The following SULF2 variants were observed in gnomAD, a reference collection of about 807,000 sequenced individuals.
SULF2 encodes extracellular sulfatase Sulf-2.
SULF2 carries 52 observed loss-of-function variants against 107.7 expected under a neutral mutation model. The observed-to-expected ratio is 0.48, with a 90% CI of 0.39 to 0.61. SULF2 has a LOEUF of 0.61. SULF2 is among the 20% of genes least tolerant of loss of function. SULF2 has a pLI of 0.00. For synonymous variants in SULF2, 460 were observed against 464.3 expected, an observed-to-expected ratio of 0.99 and a Z score of 0.12; for missense variants, 993 against 1,177.3, an observed-to-expected ratio of 0.84 and a Z score of 2.29.
intron 3 of SULF2, among the ~76,000 whole-genome samples, chr20:47,725,457 A>G (rs1187899559): frequency 2.0e-5 from 3 of 152,210 alleles, no homozygotes; most frequent in Non-Finnish European, 4.4e-5. Flanking sequence ...GCAGGACATC[A>G]AAGTCCTTCT....
At chr20:47,672,661 A>C in intron 10 of SULF2, 4 of 547,128 alleles carry the variant, frequency 7.3e-6, no homozygotes, top group Non-Finnish European at 9.3e-6. Context: ...AAATCCACCC[A>C]CATGGCAGCT....
chr20:47,661,799 T>A lies in SULF2; in HGVS notation c.2468A>T (p.Asn823Ile), dbSNP rs762353434. ...LRSCKGYKQC[N>I]PRTRNMDLGL... ...CAGGTCCATGTTTCGAGTCCGGGGG[T>A]TACACTGCTTGTAACCCTTGCAGCT... is the stretch of plus-strand genomic sequence containing the variant. The change falls in exon 18 of 21, where the codon AAC becomes ATC. Residue 823 changes from asparagine to isoleucine, a missense_variant. By Grantham distance (149) the Asn-to-Ile change is moderately radical. Transcript: ENST00000688720. 6.4e-7 allele frequency: 1 copy of A among 1,570,172 alleles called. No homozygotes were observed. Among genetic ancestry groups the A allele is most frequent in the Admixed American group, 1.7e-5 (1 of 57,666 alleles).
Position 47,666,096 on chromosome 20 carries a change from C to A in SULF2, c.1806-143G>T, listed in dbSNP as rs1430753197. The A allele has an allele frequency of 6.2e-7, 1 of 1,611,086 alleles. No homozygotes were observed. On this transcript the variant is annotated intron_variant, in intron 12 of 20. Transcript: ENST00000688720. This position sits in a 1 kb window ranked among gnomAD's most constrained non-coding sequence, Gnocchi z 5.4. ...TCCACCTGGACACTCACCGATGTGT[C>A]ACTTTAATGGGGTTGGCGGCTGAAT...
rs1277749973 is a variant in SULF2, at chr20:47,694,775, AG to A, written c.568-4481del. Reference sequence around the variant, plus strand: ...CGCACCGGGCTTCCCTCCAAGGCCAAGGCAGTGCGTGTGGGTGGCAGCAGCT... The same window carrying A: ...CGCACCGGGCTTCCCTCCAAGGCCAAGCAGTGCGTGTGGGTGGCAGCAGCT... On this transcript the variant is annotated intron_variant, in intron 4 of 20. Coordinates refer to ENST00000688720, the MANE Select transcript of SULF2 (RefSeq NM_001387048.1). This position sits in a 1 kb window ranked among gnomAD's most constrained non-coding sequence, Gnocchi z 4.4. Among the ~76,000 whole-genome samples the A allele has an allele frequency of 2.0e-5, 3 of 152,200 alleles. No individual in the cohort carries two copies. Among genetic ancestry groups the A allele is most frequent in the African/African-American group, 7.2e-5 (3 of 41,466 alleles).
chr20:47,718,315 T>TA (rs2089186602), intron 3 of SULF2, among the ~76,000 whole-genome samples: 1 of 152,226 alleles, frequency 6.6e-6, no homozygotes. Context: ...TAACTGCCTC[T>TA]AAATGGTTAC....
intron 1 of SULF2, among the ~76,000 whole-genome samples, chr20:47,769,838 G>C (rs62200259): frequency 1.3e-5 from 2 of 151,994 alleles, no homozygotes; most frequent in Admixed American, 1.3e-4. Context: ...GAAGGCCTGA[G>C]AGATGACAGT....
intron 7 of SULF2, among the ~76,000 whole-genome samples, chr20:47,682,573 G>T (rs1403596280): frequency 6.6e-6 from 1 of 152,186 alleles, no homozygotes; most frequent in East Asian, 1.9e-4. Context: ...TTCCCTTTGT[G>T]CTGCTGCCCA....
At chr20:47,738,192 G>A (rs567961189) in intron 2 of SULF2, among the ~76,000 whole-genome samples, 2 of 152,222 alleles carry the variant, frequency 1.3e-5, no homozygotes, top group South Asian at 2.1e-4. Flanking sequence ...TGTGTGCTCC[G>A]CTCAGCGCTG....
chr20:47,699,116 C>T lies in SULF2; in HGVS notation c.567+3403G>A, dbSNP rs192144770. On this transcript the variant is annotated intron_variant, in intron 4 of 20. Transcript: ENST00000688720. ...CTCATACTGGGGATGACAAAATAGA[C>T]GGGTGTGATGTGACTGTGTGTGTGT... Among the ~76,000 whole-genome samples the T allele has an allele frequency of 8.5e-5, 13 of 152,054 alleles. No individual in the cohort carries two copies. The East Asian group carries it at 9.7e-4, about 11-fold the overall frequency.
intron 2 of SULF2, among the ~76,000 whole-genome samples, chr20:47,754,126 G>A (rs940638445): frequency 7.9e-5 from 12 of 152,064 alleles, no homozygotes; most frequent in African/African-American, 2.7e-4. Context: ...GTACAGCCCC[G>A]AACCCCCCAA....
At chr20:47,757,093 C>A in intron 2 of SULF2, 96 bp downstream of exon 2, 3 of 1,141,440 alleles carry the variant, frequency 2.6e-6, no homozygotes, top group Non-Finnish European at 3.6e-6. Context: ...GTGAGCACGA[C>A]GCATCAACAC....
intron 1 of SULF2, among the ~76,000 whole-genome samples, chr20:47,785,004 G>A (rs1431245125): frequency 6.6e-6 from 1 of 152,120 alleles, no homozygotes; most frequent in Non-Finnish European, 1.5e-5. Flanking sequence ...CCCTGCGGAT[G>A]GCCGGCCCAG....
intron 3 of SULF2, among the ~76,000 whole-genome samples, chr20:47,715,537 G>A (rs1363208365): frequency 2.0e-5 from 3 of 151,656 alleles, no homozygotes; most frequent in Non-Finnish European, 2.9e-5. Flanking sequence ...CGAACACCTC[G>A]TAATGGGAGG....
At chr20:47,761,345 A>G (rs750223949) in intron 1 of SULF2, among the ~76,000 whole-genome samples, 1 of 151,954 alleles carries the variant, frequency 6.6e-6, no homozygotes, top group Non-Finnish European at 1.5e-5. Flanking sequence ...GGATTTCCCA[A>G]CTCTTTCCGT....
chr20:47,753,874 G>A (rs544026043), intron 2 of SULF2, among the ~76,000 whole-genome samples: 4 of 152,306 alleles, frequency 2.6e-5, no homozygotes, highest in African/African-American at 7.2e-5. Context: ...CTGCAAACGA[G>A]ACCTTTACCT....
intron 3 of SULF2, among the ~76,000 whole-genome samples, chr20:47,704,779 C>G (rs141503582): frequency 6.6e-6 from 1 of 152,336 alleles, no homozygotes; most frequent in Admixed American, 6.5e-5. Flanking sequence ...TGCTAACAGA[C>G]AGCTCAGCGC....
At chr20:47,772,459 T>C (rs985845211) in intron 1 of SULF2, among the ~76,000 whole-genome samples, 4 of 152,230 alleles carry the variant, frequency 2.6e-5, no homozygotes, top group African/African-American at 9.6e-5. Flanking sequence ...GACATTGTGG[T>C]TACATTCTTG....
chr20:47,785,963 G>A (rs1256578686), upstream of SULF2: 1 of 152,418 alleles, frequency 6.6e-6, no homozygotes, highest in Non-Finnish European at 1.5e-5. Flanking sequence ...GGCGGCTCTC[G>A]ACCTCCCGAT....
In SULF2 at chr20:47,676,544, C is replaced by A; in HGVS notation, c.1330G>T (p.Asp444Tyr). 1 of 1,595,372 alleles carries A rather than the reference C, an allele frequency of 6.3e-7. No individual in the cohort carries two copies. The highest frequency in any genetic ancestry group is 8.5e-7 in the Non-Finnish European group (1 of 1,171,208). The part of the protein sequence containing the change: ...NFLPKYQRVK[D>Y]LCQRAEYQTA... ...TGGTACTCAGCACGCTGACACAGGTCCTTCACACGCTGGTACTTGGGCAGA... is the reference window on the plus strand; with the variant it reads ...TGGTACTCAGCACGCTGACACAGGTACTTCACACGCTGGTACTTGGGCAGA... The change falls in exon 10 of 21, where the codon GAC becomes TAC. Residue 444 changes from aspartate to tyrosine, a missense_variant. Physicochemically the swap from Asp to Tyr is radical, Grantham distance 160. This residue lies in a region of SULF2 where 108 missense variants were observed against 183.9 expected (regional missense o/e 0.59). Coordinates refer to ENST00000688720, the MANE Select transcript of SULF2 (RefSeq NM_001387048.1).
Sources: allele counts gnomAD v4.1 joint callset (sites outside exome capture counted in the v4.1 genomes callset), GRCh38; gene constraint gnomAD v4.1.1; regional missense constraint gnomAD v4.1.1; non-coding constraint Gnocchi (gnomAD v3.1); transcripts MANE v1.5; gene names NCBI Gene and HGNC (gene_info 2026-07-23, HGNC 2026-07-21).